ANKRD50: variants seen among roughly 807,000 people sequenced by gnomAD.
The protein encoded by ANKRD50 is ankyrin repeat domain-containing protein 50.
A neutral mutation model predicts 112.0 loss-of-function variants in ANKRD50; 40 were observed. The observed-to-expected ratio is 0.36, with a 90% CI of 0.28 to 0.46. The LOEUF (loss-of-function observed/expected upper bound fraction) is 0.46. Among genes scored for constraint, ANKRD50 ranks in the 20% least tolerant of loss-of-function variants. ANKRD50 has a pLI of 1.00. For synonymous variants in ANKRD50, 613 were observed against 619.1 expected (o/e 0.99, Z 0.15); for missense variants, 1,487 against 1,701.7 (o/e 0.87, Z 2.22).
rs377291470 is a variant in ANKRD50, at chr4:124,669,110, C to T, written c.4167G>A (p.Gly1389=). The T allele has an allele frequency of 5.0e-6, 8 of 1,613,622 alleles. No individual in the cohort carries two copies. The South Asian group carries it at 7.7e-5, about 16-fold the overall frequency. The change falls in exon 4 of 5, where the codon GGG becomes GGA. Residue 1389 remains glycine (G), a synonymous_variant. Transcript: ENST00000504087. ...VSVPRTMQDR[G]HQEVLEGYPS... ...GGTATCCCTCCAACACTTCCTGATG[C>T]CCTCTATCTTGCATTGTTCGTGGGA...
intron 2 of ANKRD50, among the ~76,000 whole-genome samples, chr4:124,696,743 G>A (rs1018960278): frequency 2.0e-5 from 3 of 152,032 alleles, no homozygotes; most frequent in Non-Finnish European, 4.4e-5. Flanking sequence ...GGAGAATATA[G>A]TTATTGTTTT....
intron 2 of ANKRD50, among the ~76,000 whole-genome samples, chr4:124,701,117 C>T (rs550615893): frequency 2.7e-4 from 41 of 152,274 alleles, no homozygotes; most frequent in Non-Finnish European, 5.4e-4. Context: ...GCATGTACCA[C>T]CATGCTCGAC....
intron 2 of ANKRD50, among the ~76,000 whole-genome samples, chr4:124,681,131 C>A (rs981566102): frequency 1.4e-4 from 21 of 151,768 alleles, no homozygotes; most frequent in African/African-American, 5.1e-4. Context: ...AGATATGAGG[C>A]CAATGCTTAG....
At chr4:124,709,672 G>A (rs1725585137) in intron 2 of ANKRD50, among the ~76,000 whole-genome samples, 1 of 151,654 alleles carries the variant, frequency 6.6e-6, no homozygotes, top group Admixed American at 6.6e-5. Context: ...CTCTGAAAAT[G>A]TAACCTATTT....
chr4:124,672,950 T>A (rs1004754757), intron 3 of ANKRD50, among the ~76,000 whole-genome samples: 1 of 152,014 alleles, frequency 6.6e-6, no homozygotes, highest in Admixed American at 6.6e-5. Context: ...TATAAATAAT[T>A]TATATATTTT....
chr4:124,685,785 G>T (rs1280582617), intron 2 of ANKRD50, among the ~76,000 whole-genome samples: 3 of 147,026 alleles, frequency 2.0e-5, no homozygotes, highest in Admixed American at 6.8e-5. Context: ...TAAAATCCTA[G>T]AGTTAGTTTT....
intron 2 of ANKRD50, among the ~76,000 whole-genome samples, chr4:124,708,769 A>T (rs1219607294): frequency 6.6e-6 from 1 of 150,708 alleles, no homozygotes; most frequent in Non-Finnish European, 1.5e-5. Context: ...ACTAGTCTGT[A>T]ACCTTGAACA....
intron 3 of ANKRD50, among the ~76,000 whole-genome samples, chr4:124,673,213 G>C (rs750205587): frequency 1.3e-5 from 2 of 151,988 alleles, no homozygotes; most frequent in Non-Finnish European, 2.9e-5. Context: ...ACTAGCTATA[G>C]CTATTTTAAA....
intron 2 of ANKRD50, among the ~76,000 whole-genome samples, chr4:124,707,753 G>C (rs1478057824): frequency 1.3e-5 from 2 of 152,060 alleles, no homozygotes; most frequent in East Asian, 3.8e-4. Context: ...GAAAAGCAGG[G>C]CTGGTATGGT....
chr4:124,672,562 A>T, intron 3 of ANKRD50, 28 bp from the exon 4 acceptor site: 22 of 1,478,088 alleles, frequency 1.5e-5, no homozygotes, highest in Non-Finnish European at 2.0e-5. Context: ...AAGTAGATGT[A>T]ATCAGTTGAA....
intron 1 of ANKRD50, among the ~76,000 whole-genome samples, chr4:124,711,699 T>C (rs1031856456): frequency 1.3e-5 from 2 of 151,896 alleles, no homozygotes; most frequent in East Asian, 1.9e-4. Context: ...CACTTCTTTG[T>C]TGATAATGTG....
At chr4:124,677,864 G>A (rs529904708) in intron 3 of ANKRD50, among the ~76,000 whole-genome samples, 1 of 152,100 alleles carries the variant, frequency 6.6e-6, no homozygotes, top group South Asian at 2.1e-4. Flanking sequence ...ACCAAAAGGG[G>A]CTTCTACTGT....
chr4:124,688,417 A>T (rs1044828560), intron 2 of ANKRD50, among the ~76,000 whole-genome samples: 5 of 152,146 alleles, frequency 3.3e-5, no homozygotes, highest in Admixed American at 1.3e-4. Context: ...GGGTGATGGA[A>T]CTGCTCTATA....
chr4:124,709,250 A>G (rs1261979052), intron 2 of ANKRD50, among the ~76,000 whole-genome samples: 1 of 151,850 alleles, frequency 6.6e-6, no homozygotes, highest in African/African-American at 2.4e-5. Context: ...TGATATGCAA[A>G]AAAAAATGTT....
chr4:124,692,605 G>A (rs904096011), intron 2 of ANKRD50, among the ~76,000 whole-genome samples: 3 of 152,166 alleles, frequency 2.0e-5, no homozygotes, highest in African/African-American at 7.2e-5. Context: ...ACTAAGTCAT[G>A]AGGGCAGAAA....
chr4:124,676,807 AAGCCCTGAAAAT>A, intron 3 of ANKRD50, among the ~76,000 whole-genome samples: 1 of 151,864 alleles, frequency 6.6e-6, no homozygotes, highest in East Asian at 1.9e-4. Context: ...TATCAAATAC[AAGCCCTGAAAAT>A]CAGTAAGAAA....
rs763266709 is a variant in ANKRD50 at position 124,672,307 on chromosome 4, G to C, written c.970C>G (p.Arg324Gly). The change falls in exon 4 of 5, where the codon CGT (arginine) becomes GGT (glycine). Residue 324 changes from arginine to glycine, a missense_variant. Transcript: ENST00000504087. ...CCATTTAGAGTTCCTGGGATGTCAC[G>C]AATTTCTCTTAACATAATAAAATTT... ...VENFIMLREI[R>G]DIPGTLNGLY... 5.0e-6 allele frequency: 8 copies of C among 1,613,262 alleles called. No homozygotes were observed.
intron 2 of ANKRD50, among the ~76,000 whole-genome samples, chr4:124,696,327 A>G (rs1240889030): frequency 6.6e-6 from 1 of 152,114 alleles, no homozygotes; most frequent in African/African-American, 2.4e-5. Context: ...AAATACCCAA[A>G]ATGAAGGACA....
intron 2 of ANKRD50, among the ~76,000 whole-genome samples, chr4:124,694,237 G>C (rs1024067032): frequency 6.6e-6 from 1 of 152,178 alleles, no homozygotes; most frequent in African/African-American, 2.4e-5. Flanking sequence ...TAGTCCAGGA[G>C]TTTGGCCCAA....
Sources: allele counts gnomAD v4.1 joint callset (sites outside exome capture counted in the v4.1 genomes callset), GRCh38; gene constraint gnomAD v4.1.1; transcripts MANE v1.5; gene names NCBI Gene and HGNC (gene_info 2026-07-23, HGNC 2026-07-21).